The following DROSHA variants were observed in gnomAD, a reference collection of about 807,000 sequenced individuals.
The protein encoded by DROSHA is drosha ribonuclease III, also known as ribonuclease 3.
A neutral mutation model predicts 181.9 loss-of-function variants in DROSHA; 56 were observed. The ratio of observed to expected loss-of-function variants is 0.31; its 90% CI spans 0.25 to 0.38. The LOEUF (loss-of-function observed/expected upper bound fraction) is 0.38, where lower values mean the gene tolerates loss of function less well. Ranked by LOEUF, DROSHA falls within the 10% of genes least tolerant of loss-of-function variation. The pLI, the probability that DROSHA is intolerant of heterozygous loss-of-function variation, is 1.00. For missense variants in DROSHA, 1,218 were observed against 1,743.5 expected (o/e 0.70, Z 5.37); for synonymous variants, 524 against 591.2 (o/e 0.89, Z 1.65).
At chr5:31,410,491 A>G (rs1376791696) in intron 31 of DROSHA, among the ~76,000 whole-genome samples, 1 of 152,218 alleles carries the variant, frequency 6.6e-6, no homozygotes, top group East Asian at 1.9e-4. Flanking sequence ...GGGATGTGGT[A>G]GCTGAGTGTT....
In DROSHA at chr5:31,483,529, G is replaced by T. The variant is rs1475134427; in HGVS notation, c.2071+25C>A. The T allele has an allele frequency of 1.1e-5, 18 of 1,608,756 alleles. No homozygotes were observed. In the East Asian group the frequency reaches 3.8e-4, roughly 34 times the overall value. ...ATTTTCAGATGCACTATCTCACCAG[G>T]TCACTGACAAGCCAGAAGATTTACC... On this transcript the variant is annotated intron_variant, in intron 16 of 35. Transcript: ENST00000344624.
rs144032805 is a variant in DROSHA at position 31,445,774 on chromosome 5, C to A, written c.2882+2773G>T. On this transcript the variant is annotated intron_variant, in intron 23 of 35. Coordinates refer to ENST00000344624, the MANE Select transcript of DROSHA (RefSeq NM_001382508.1). ...CTCAGCAAACTAAGATTAGAAGAGA[C>A]CTTCTTTACTCTGATAAAAAGCATC... Among the ~76,000 whole-genome samples, 58 of 152,308 alleles carry A rather than the reference C, an allele frequency of 3.8e-4. 1 individual carries two copies. In the East Asian group the frequency reaches 0.01, roughly 27 times the overall value.
chr5:31,502,786 C>G (rs1561263490), intron 11 of DROSHA, among the ~76,000 whole-genome samples: 1 of 152,206 alleles, frequency 6.6e-6, no homozygotes, highest in Non-Finnish European at 1.5e-5. Context: ...AAACAGATGG[C>G]ACTACAGCCT....
At chr5:31,421,481 T>TTTTTTTTGTTTTAAAG in intron 29 of DROSHA, 104 bp from the exon 30 acceptor site, 1 of 943,320 alleles carries the variant, frequency 1.1e-6, no homozygotes, top group South Asian at 1.5e-5. Flanking sequence ...GACAATGTGT[T>TTTTTTTTGTTTTAAAG]CATTTTGTTT....
chr5:31,518,342 C>T (rs984863324), intron 6 of DROSHA, among the ~76,000 whole-genome samples: 1 of 152,190 alleles, frequency 6.6e-6, no homozygotes, highest in Non-Finnish European at 1.5e-5. Context: ...ATTTTTACGA[C>T]ATGGTCATCC....
intron 27 of DROSHA, among the ~76,000 whole-genome samples, chr5:31,426,279 C>T (rs1430715298): frequency 6.6e-6 from 1 of 151,922 alleles, no homozygotes; most frequent in African/African-American, 2.4e-5. Context: ...AACCCCAGTG[C>T]TACCATTTAT....
chr5:31,494,724 C>T (rs1580294196), intron 12 of DROSHA, among the ~76,000 whole-genome samples: 1 of 152,024 alleles, frequency 6.6e-6, no homozygotes, highest in East Asian at 1.9e-4. Context: ...CTCACACTGT[C>T]GCCCAGGCTG....
intron 16 of DROSHA, among the ~76,000 whole-genome samples, chr5:31,482,476 A>G (rs1212667015): frequency 6.6e-6 from 1 of 152,206 alleles, no homozygotes; most frequent in African/African-American, 2.4e-5. Flanking sequence ...ATGTCACCAG[A>G]AAGTGAGATA....
chr5:31,455,642 T>TC (rs1491438868), intron 20 of DROSHA, among the ~76,000 whole-genome samples: 1 of 129,268 alleles, frequency 7.7e-6, no homozygotes. Context: ...GTTATCACAC[T>TC]TTTTTTTTTT....
chr5:31,453,678 T>A (rs1171199940), intron 20 of DROSHA, among the ~76,000 whole-genome samples: 3 of 152,162 alleles, frequency 2.0e-5, no homozygotes, highest in Non-Finnish European at 2.9e-5. Context: ...TAAAACAGCT[T>A]TGAATCCCTT....
At chr5:31,426,779 A>T (rs1026519125) in intron 27 of DROSHA, among the ~76,000 whole-genome samples, 3 of 152,172 alleles carry the variant, frequency 2.0e-5, no homozygotes, top group Non-Finnish European at 2.9e-5. Flanking sequence ...CAAAGATTTT[A>T]AGCAAGAAAG....
chr5:31,528,502 T>A (rs1258462164), intron 4 of DROSHA, among the ~76,000 whole-genome samples: 1 of 152,184 alleles, frequency 6.6e-6, no homozygotes, highest in Non-Finnish European at 1.5e-5. Flanking sequence ...CATCCTTAGC[T>A]AAAAATTTAC....
intron 17 of DROSHA, among the ~76,000 whole-genome samples, chr5:31,471,760 A>G (rs1235833401): frequency 1.3e-5 from 2 of 152,206 alleles, no homozygotes; most frequent in Non-Finnish European, 2.9e-5. Context: ...GGTTGCTCTC[A>G]TATGCTCCCA....
chr5:31,408,879 G>C (rs1453047283), intron 33 of DROSHA, 177 bp downstream of exon 33: 1 of 578,140 alleles, frequency 1.7e-6, no homozygotes. Context: ...TTACAGCTAA[G>C]AGTGAGAGCC....
chr5:31,481,664 T>C (rs986789345), intron 16 of DROSHA, among the ~76,000 whole-genome samples: 6 of 152,110 alleles, frequency 3.9e-5, no homozygotes, highest in African/African-American at 1.4e-4. Context: ...TGAACAGTAA[T>C]ACTAAAAATC....
At chr5:31,406,728 A>C in intron 34 of DROSHA, 125 bp downstream of exon 34, 2 of 825,370 alleles carry the variant, frequency 2.4e-6, no homozygotes, top group Non-Finnish European at 3.8e-6. Flanking sequence ...TCACTTTGCT[A>C]CTACTCTTGA....
intron 12 of DROSHA, 117 bp from the exon 13 acceptor site, chr5:31,493,410 A>G (rs1328977839): frequency 1.2e-6 from 1 of 809,282 alleles, no homozygotes; most frequent in Non-Finnish European, 1.9e-6. Flanking sequence ...TTCAGACACC[A>G]GGGAGAACTT....
At chr5:31,498,579 C>A (rs1318452867) in intron 11 of DROSHA, among the ~76,000 whole-genome samples, 3 of 152,074 alleles carry the variant, frequency 2.0e-5, no homozygotes, top group Non-Finnish European at 4.4e-5. Context: ...AAAGGCTGGC[C>A]AGGCACGGTG....
At position 31,514,899 on chromosome 5, in the gene DROSHA, C is replaced by T; in HGVS notation, c.1290+89G>A. The T allele has an allele frequency of 7.9e-7, 1 of 1,272,628 alleles. No homozygotes were observed. Among genetic ancestry groups the T allele is most frequent in the Non-Finnish European group, 1.1e-6 (1 of 904,986 alleles). The allele number at this position is 1,272,628 out of a possible 1,614,324, so 78.8% of individuals were successfully genotyped here. A position where few individuals can be genotyped will look rare whatever the true frequency, so the allele number is the denominator to read the frequency against. ...ATCCTACAATGCATAGGGCAGTCCC[C>T]ACAATCAAGAATTTATCCAGCCCCA... On this transcript the variant is annotated intron_variant, in intron 8 of 35. Transcript: ENST00000344624. This position sits in a 1 kb window ranked among gnomAD's most constrained non-coding sequence, Gnocchi z 4.4.
Sources: allele counts gnomAD v4.1 joint callset (sites outside exome capture counted in the v4.1 genomes callset), GRCh38; gene constraint gnomAD v4.1.1; non-coding constraint Gnocchi (gnomAD v3.1); transcripts MANE v1.5; gene names NCBI Gene and HGNC (gene_info 2026-07-23, HGNC 2026-07-21).